FGD5: variants seen among roughly 807,000 people sequenced by gnomAD.
The protein encoded by FGD5 is FYVE, RhoGEF and PH domain-containing protein 5.
Under a neutral mutation model 133.4 loss-of-function variants are expected in FGD5, and 28 were observed. The ratio of observed to expected loss-of-function variants is 0.21; its 90% CI spans 0.16 to 0.29. FGD5 has a LOEUF of 0.29. Ranked by LOEUF, FGD5 falls within the 10% of genes least tolerant of loss-of-function variation. The pLI is 1.00. For synonymous variants in FGD5, 810 were observed against 776.5 expected (o/e 1.04, Z -0.72); for missense variants, 1,858 against 1,895.2 (o/e 0.98, Z 0.36).
intron 1 of FGD5, among the ~76,000 whole-genome samples, chr3:14,854,038 G>A (rs1202125568): frequency 6.6e-6 from 1 of 152,066 alleles, no homozygotes; most frequent in Non-Finnish European, 1.5e-5. Context: ...AGGACCTGCT[G>A]TATGTCAGCC....
At chr3:14,908,960 TCATTCATTCATC>T (rs1392699856) in intron 10 of FGD5, among the ~76,000 whole-genome samples, 2,900 of 152,054 alleles carry the variant, frequency 0.019, 87 homozygotes, top group African/African-American at 0.066. Context: ...ATTCATTCAT[TCATTCATTCATC>T]CATTCATTCA....
At chr3:14,928,397 A>G (rs1204840776) in intron 18 of FGD5, among the ~76,000 whole-genome samples, 1 of 152,018 alleles carries the variant, frequency 6.6e-6, no homozygotes, top group Non-Finnish European at 1.5e-5. Flanking sequence ...TTTATTCTTT[A>G]TTATATTTAT....
chr3:14,900,252 A>C, intron 7 of FGD5, 151 bp from the exon 8 acceptor site: 1 of 735,578 alleles, frequency 1.4e-6, no homozygotes. Flanking sequence ...GCCTGGTTTC[A>C]TGCTAATGTG....
At chr3:14,919,584 C>T (rs2038633832) in intron 13 of FGD5, among the ~76,000 whole-genome samples, 1 of 152,204 alleles carries the variant, frequency 6.6e-6, no homozygotes, top group South Asian at 2.1e-4. Context: ...CACCACTGCA[C>T]TCCAGCCTGG....
chr3:14,862,947 G>A (rs2037429332), intron 1 of FGD5, among the ~76,000 whole-genome samples: 1 of 152,100 alleles, frequency 6.6e-6, no homozygotes, highest in African/African-American at 2.4e-5. Context: ...TGCGGTTCTG[G>A]CTCCTATGAA....
chr3:14,897,390 T>G, intron 4 of FGD5, 119 bp from the exon 5 acceptor site: 1 of 1,198,992 alleles, frequency 8.3e-7, no homozygotes, highest in Non-Finnish European at 1.2e-6. Context: ...GACACTGGCT[T>G]AAGTCCTCAC....
chr3:14,847,188 A>T (rs1309458313), intron 1 of FGD5, among the ~76,000 whole-genome samples: 1 of 152,158 alleles, frequency 6.6e-6, no homozygotes, highest in African/African-American at 2.4e-5. Context: ...TTTGTTTGGA[A>T]ATGCCGACCC....
intron 18 of FGD5, among the ~76,000 whole-genome samples, chr3:14,929,850 CAGTTTATA>C (rs764266933): frequency 1.3e-5 from 2 of 152,214 alleles, no homozygotes; most frequent in Non-Finnish European, 2.9e-5. Context: ...TGGTGAACAG[CAGTTTATA>C]ACTTTGAGGA....
At chr3:14,865,972 A>G (rs2037486166) in intron 2 of FGD5, among the ~76,000 whole-genome samples, 1 of 152,094 alleles carries the variant, frequency 6.6e-6, no homozygotes, top group South Asian at 2.1e-4. Context: ...GCAGAAAGAG[A>G]TAGTTGCCAT....
rs772947249 is a variant in FGD5, at chr3:14,924,128, C to T, written c.4058C>T (p.Ala1353Val). The change falls in exon 17 of 20, where the codon GCC becomes GTC. Residue 1353 changes from alanine (A) to valine (V), a missense_variant. By Grantham distance (64) the Ala-to-Val change is moderately conservative. Coordinates refer to ENST00000285046, the MANE Select transcript of FGD5 (RefSeq NM_152536.4). ...TFKKQKKVPS[A>V]LTEVAASGEG... Reference sequence around the variant, plus strand: ...AAGAAGCAGAAGAAAGTCCCTTCAGCCCTGACAGAGGTAAAGCAGGCAGGG... The same window carrying T: ...AAGAAGCAGAAGAAAGTCCCTTCAGTCCTGACAGAGGTAAAGCAGGCAGGG... 8.1e-5 allele frequency: 131 copies of T among 1,613,842 alleles called. No individual in the cohort carries two copies. Among genetic ancestry groups the T allele is most frequent in the Non-Finnish European group, 1.1e-4 (129 of 1,179,898 alleles).
At chr3:14,904,155 C>T (rs904343988) in intron 9 of FGD5, among the ~76,000 whole-genome samples, 2 of 152,188 alleles carry the variant, frequency 1.3e-5, no homozygotes, top group African/African-American at 4.8e-5. Context: ...CAGGTTTCTC[C>T]ACTGTGAAGC....
At chr3:14,852,636 A>T (rs1019106465) in intron 1 of FGD5, among the ~76,000 whole-genome samples, 3 of 152,218 alleles carry the variant, frequency 2.0e-5, no homozygotes, top group African/African-American at 7.2e-5. Context: ...GAAACCACTG[A>T]TGCTGCTGCG....
At chr3:14,869,377 G>A (rs1001255892) in intron 2 of FGD5, among the ~76,000 whole-genome samples, 1 of 152,112 alleles carries the variant, frequency 6.6e-6, no homozygotes. Flanking sequence ...GGGATTGGGG[G>A]TGGGGGCATC....
At chr3:14,906,238 C>T (rs914718966) in intron 9 of FGD5, among the ~76,000 whole-genome samples, 7 of 152,210 alleles carry the variant, frequency 4.6e-5, no homozygotes, top group African/African-American at 1.7e-4. Context: ...TGGGCACATG[C>T]CTACATCTGA....
chr3:14,871,702 G>A (rs1384654510), intron 2 of FGD5, among the ~76,000 whole-genome samples: 1 of 152,162 alleles, frequency 6.6e-6, no homozygotes, highest in African/African-American at 2.4e-5. Flanking sequence ...GTCCTTGGGG[G>A]GCTTGAAGGC....
intron 2 of FGD5, among the ~76,000 whole-genome samples, chr3:14,877,619 C>A (rs1352097412): frequency 3.3e-5 from 5 of 152,164 alleles, no homozygotes; most frequent in Non-Finnish European, 7.3e-5. Context: ...AGGATCCAGG[C>A]ATCTTGACTT....
At chr3:14,893,738 T>C (rs940576678) in intron 4 of FGD5, among the ~76,000 whole-genome samples, 2 of 145,262 alleles carry the variant, frequency 1.4e-5, no homozygotes, top group African/African-American at 5.1e-5. Context: ...TTCTTTTTCT[T>C]TCTTTTCTTT....
chr3:14,925,910 C>G (rs1160344437), intron 17 of FGD5, among the ~76,000 whole-genome samples, 160 bp from the exon 18 acceptor site: 1 of 152,204 alleles, frequency 6.6e-6, no homozygotes, highest in African/African-American at 2.4e-5. Flanking sequence ...GAAGCACTAT[C>G]TTGCTGACTT....
intron 1 of FGD5, among the ~76,000 whole-genome samples, chr3:14,853,097 A>G (rs749128267): frequency 9.2e-5 from 14 of 152,208 alleles, no homozygotes; most frequent in Admixed American, 2.0e-4. Flanking sequence ...CTGTTTCCAC[A>G]GTATCACATT....
Sources: gnomAD v4.1 joint callset for allele counts (sites outside exome capture counted in the v4.1 genomes callset) on GRCh38, gnomAD v4.1.1 for gene constraint, MANE v1.5 for transcripts, NCBI Gene and HGNC (gene_info 2026-07-23, HGNC 2026-07-21) for gene names.